Variants in KYAT3 observed in about 807,000 individuals in gnomAD.
KYAT3 encodes kynurenine aminotransferase 3.
A neutral mutation model predicts 59.0 loss-of-function variants in KYAT3; 50 were observed. The observed-to-expected ratio is 0.85, with a 90% CI of 0.68 to 1.07. The LOEUF (loss-of-function observed/expected upper bound fraction) is 1.07, where lower values mean the gene tolerates loss of function less well. Ranked by LOEUF, KYAT3 falls within the 50% of genes least tolerant of loss-of-function variation. The pLI, the probability that KYAT3 is intolerant of heterozygous loss-of-function variation, is 0.00. For synonymous variants in KYAT3, 148 were observed against 177.0 expected (o/e 0.84, Z 1.30); for missense variants, 497 against 533.3 (o/e 0.93, Z 0.67).
chr1:88,953,905 C>CTT (rs35781634), intron 9 of KYAT3, among the ~76,000 whole-genome samples: 7 of 141,206 alleles, frequency 5.0e-5, no homozygotes, highest in African/African-American at 1.3e-4. Context: ...TCTTCTTCTT[C>CTT]TTTTTTTTTT....
chr1:88,964,357 A>G (rs1202007496), intron 5 of KYAT3, among the ~76,000 whole-genome samples: 1 of 152,256 alleles, frequency 6.6e-6, no homozygotes, highest in East Asian at 1.9e-4. Flanking sequence ...TGGCAGTGTT[A>G]GTCCCTTCCA....
chr1:88,989,543 T>C (rs532828994), intron 1 of KYAT3, among the ~76,000 whole-genome samples: 1 of 152,236 alleles, frequency 6.6e-6, no homozygotes, highest in East Asian at 1.9e-4. Context: ...GGCGCAGCTG[T>C]CCCAAAAGAC....
At chr1:88,937,192 C>G (rs1675072802) in intron 13 of KYAT3, among the ~76,000 whole-genome samples, 1 of 152,030 alleles carries the variant, frequency 6.6e-6, no homozygotes, top group Non-Finnish European at 1.5e-5. Context: ...CAGTGGTGGC[C>G]TGGTATGGGG....
chr1:88,975,059 G>A (rs776378091), intron 2 of KYAT3, among the ~76,000 whole-genome samples: 1 of 152,102 alleles, frequency 6.6e-6, no homozygotes, highest in Non-Finnish European at 1.5e-5. Flanking sequence ...CTTTGGGTCC[G>A]CACCACCTTT....
intron 8 of KYAT3, among the ~76,000 whole-genome samples, chr1:88,955,494 C>T (rs1456555960): frequency 2.6e-5 from 4 of 152,106 alleles, no homozygotes; most frequent in African/African-American, 9.7e-5. Context: ...GTGTCAGGGG[C>T]ACCAGCAGGC....
intron 2 of KYAT3, 77 bp downstream of exon 2, chr1:88,988,175 A>G: frequency 2.3e-6 from 2 of 884,166 alleles, no homozygotes; most frequent in South Asian, 1.6e-5. Context: ...TTTGTAAAAA[A>G]GCATCTGAAA....
chr1:88,924,561 G>A, the KYAT3 span, among the ~76,000 whole-genome samples: 1 of 152,194 alleles, frequency 6.6e-6, no homozygotes, highest in South Asian at 2.1e-4. Flanking sequence ...CCCTTCGTAT[G>A]AGAGCTCTGT....
chr1:88,951,615 T>A (rs1012462925), intron 10 of KYAT3, among the ~76,000 whole-genome samples: 4 of 151,446 alleles, frequency 2.6e-5, no homozygotes, highest in Non-Finnish European at 5.9e-5. Context: ...GGTAACTAAA[T>A]CCCTATTTCC....
chr1:88,926,415 G>A, the KYAT3 span, among the ~76,000 whole-genome samples: 1 of 152,180 alleles, frequency 6.6e-6, no homozygotes, highest in East Asian at 1.9e-4. Flanking sequence ...CCAGGCCCAA[G>A]CAATCCACCC....
chr1:88,934,628 G>A (rs1674976229), downstream of KYAT3, among the ~76,000 whole-genome samples: 2 of 152,198 alleles, frequency 1.3e-5, no homozygotes, highest in Admixed American at 1.3e-4. Flanking sequence ...CCAGGGTTGA[G>A]TTCTTTCTTT....
chr1:88,968,179 T>C (rs1676415372), intron 4 of KYAT3, among the ~76,000 whole-genome samples: 1 of 152,162 alleles, frequency 6.6e-6, no homozygotes, highest in Non-Finnish European at 1.5e-5. Flanking sequence ...GTCAGACATA[T>C]GATAATTGTA....
intron 2 of KYAT3, among the ~76,000 whole-genome samples, chr1:88,975,482 A>G (rs576354274): frequency 2.0e-5 from 3 of 152,252 alleles, no homozygotes; most frequent in Non-Finnish European, 4.4e-5. Context: ...GTGCATTTTA[A>G]TTATATGGTC....
At chr1:88,969,579 C>T in intron 2 of KYAT3, 112 bp from the exon 3 acceptor site, 1 of 634,510 alleles carries the variant, frequency 1.6e-6, no homozygotes, top group African/African-American at 1.9e-5. Flanking sequence ...AATAGTAGTT[C>T]CATAAAGATA....
At chr1:88,947,901 G>A (rs1042592829) in intron 11 of KYAT3, among the ~76,000 whole-genome samples, 5 of 152,078 alleles carry the variant, frequency 3.3e-5, no homozygotes, top group Non-Finnish European at 7.4e-5. Flanking sequence ...TGACCAGCCT[G>A]GGAAATGTGG....
chr1:88,925,145 G>C, the KYAT3 span, among the ~76,000 whole-genome samples: 10 of 152,196 alleles, frequency 6.6e-5, no homozygotes, highest in Non-Finnish European at 1.0e-4. Context: ...CCTGTCGTCC[G>C]GTTCGTCTGT....
intron 8 of KYAT3, among the ~76,000 whole-genome samples, chr1:88,958,453 A>T (rs1676008323): frequency 6.6e-6 from 1 of 151,376 alleles, no homozygotes. Flanking sequence ...TCATGGAACC[A>T]TTTCTCCTGT....
chr1:88,929,342 A>T, the KYAT3 span, among the ~76,000 whole-genome samples: 1 of 152,124 alleles, frequency 6.6e-6, no homozygotes, highest in Non-Finnish European at 1.5e-5. Flanking sequence ...CCTAACCCTT[A>T]TACTCTGCTT....
intron 10 of KYAT3, among the ~76,000 whole-genome samples, chr1:88,951,618 C>T (rs1675678707): frequency 6.6e-6 from 1 of 151,158 alleles, no homozygotes; most frequent in Non-Finnish European, 1.5e-5. Context: ...AACTAAATCC[C>T]TATTTCCATA....
chr1:88,937,702 A>G (rs1485237432), intron 13 of KYAT3, among the ~76,000 whole-genome samples: 1 of 152,188 alleles, frequency 6.6e-6, no homozygotes, highest in African/African-American at 2.4e-5. Context: ...CATCACTGGT[A>G]ATAGGAATAA....
Sources: allele counts gnomAD v4.1 joint callset (sites outside exome capture counted in the v4.1 genomes callset), GRCh38; gene constraint gnomAD v4.1.1; transcripts MANE v1.5; gene names NCBI Gene and HGNC (gene_info 2026-07-23, HGNC 2026-07-21).